Variants in KMT2D observed in about 807,000 individuals in gnomAD.
KMT2D encodes lysine methyltransferase 2D, also known as histone-lysine N-methyltransferase 2D.
Under a neutral mutation model 512.7 loss-of-function variants are expected in KMT2D, and 55 were observed. The ratio of observed to expected loss-of-function variants is 0.11; its 90% CI spans 0.09 to 0.13. The LOEUF is 0.13. Among genes scored for constraint, KMT2D ranks in the 10% least tolerant of loss-of-function variants. The probability of loss-of-function intolerance (pLI) is 1.00; values close to 1 mark genes in which losing one functional copy is unlikely to be tolerated. For missense variants in KMT2D, 6,061 were observed against 7,127.9 expected (o/e 0.85, Z 5.39); for synonymous variants, 2,995 against 2,904.0 (o/e 1.03, Z -1.01).
rs1943284324 is a variant in KMT2D, at chr12:49,037,612, G to A, written c.9744C>T (p.Leu3248=). ...SSLVASELPL[L]IEDLLEHEKK... is the part of the protein sequence containing the mutation. The stretch of plus-strand genomic sequence containing the variant: ...TCTCATGCTCCAACAGGTCCTCAAT[G>A]AGCAGGGGTAACTCGCTGGCTACCA... The change falls in exon 35 of 55, where the codon CTC becomes CTT. Residue 3248 remains leucine, a synonymous_variant. Coordinates refer to ENST00000301067, the MANE Select transcript of KMT2D (RefSeq NM_003482.4). 1.9e-6 allele frequency: 3 copies of A among 1,560,460 alleles called. No individual in the cohort carries two copies. In the Admixed American group the frequency reaches 5.8e-5, roughly 30 times the overall value.
intron 35 of KMT2D, among the ~76,000 whole-genome samples, chr12:49,036,437 G>A (rs1296925694): frequency 3.4e-5 from 5 of 147,184 alleles, no homozygotes; most frequent in South Asian, 2.2e-4. Context: ...TCAGCCTCTC[G>A]AGTAGCTGGA....
Position 49,040,183 on chromosome 12 carries a change from G to T in KMT2D, c.7587C>A (p.Gly2529=). ...VRSPGTGAFV[G]TPSPMRFTFP... is the part of the protein sequence containing the mutation. The stretch of plus-strand genomic sequence containing the variant: ...AAGTGAAACGCATGGGAGAGGGGGT[G>T]CCCACAAATGCACCCGTCCCAGGGG... The change falls in exon 32 of 55, where the codon GGC becomes GGA. Residue 2529 remains glycine, a synonymous_variant. Transcript: ENST00000301067. 2 of 1,613,632 alleles carry T rather than the reference G, an allele frequency of 1.2e-6. No homozygotes were observed. The highest frequency in any genetic ancestry group is 1.7e-6 in the Non-Finnish European group (2 of 1,179,742).
chr12:49,040,080 T>C lies in KMT2D; in HGVS notation c.7690A>G (p.Ser2564Gly), dbSNP rs2120521908. ...PGLPPPHGIN[S>G]HFGPGPTLGK... ...AAGGTGGGGCCGGGCCCAAAATGGC[T>C]GTTGATCCCATGGGGTGGCGGGAGA... is the stretch of plus-strand genomic sequence containing the variant. Residue 2564 changes from serine to glycine, a missense_variant, in exon 32 of 55, where the codon AGC (serine) becomes GGC (glycine). Transcript: ENST00000301067. The C allele has an allele frequency of 6.2e-7, 1 of 1,613,968 alleles. No individual in the cohort carries two copies. Among genetic ancestry groups the C allele is most frequent in the Non-Finnish European group, 8.5e-7 (1 of 1,179,854 alleles).
intron 8 of KMT2D, 48 bp downstream of exon 8, chr12:49,053,159 G>A (rs776415531): frequency 2.5e-6 from 4 of 1,610,092 alleles, no homozygotes; most frequent in Non-Finnish European, 3.4e-6. Flanking sequence ...AGAGAATGCT[G>A]TAGCAGACAC....
rs1367164104 is a variant in KMT2D at position 49,042,673 on chromosome 12, G to A, written c.5783-28C>T. 6.2e-7 allele frequency: 1 copy of A among 1,610,718 alleles called. No homozygotes were observed. The highest frequency in any genetic ancestry group is 8.5e-7 in the Non-Finnish European group (1 of 1,177,752). On this transcript the variant is annotated intron_variant, in intron 27 of 54. Coordinates refer to ENST00000301067, the MANE Select transcript of KMT2D (RefSeq NM_003482.4). The surrounding 1 kb of genome is among the most constrained non-coding windows in gnomAD (Gnocchi z 4.4). ...ACAAGACGGACAGGATCAGAGAAAA[G>A]AGCAACTGGCCCATCCTGGAGGCAA... is the stretch of plus-strand genomic sequence containing the variant.
chr12:49,047,027 G>A (rs1400427452), intron 15 of KMT2D, among the ~76,000 whole-genome samples: 1 of 151,894 alleles, frequency 6.6e-6, no homozygotes, highest in East Asian at 1.9e-4. Context: ...TTTGTATTTA[G>A]TAGAGTCAGA....
chr12:49,044,950 C>T lies in KMT2D; in HGVS notation c.4757G>A (p.Arg1586His), dbSNP rs1170765431. ...KVKEPEPQYF[R>H]FEGVWLTETG... ...TTCTGTCAGCCACACACCTTCGAAG[C>T]GAAAGTACTGGGGCTCTGCATAAGA... The change falls in exon 20 of 55, where the codon CGC becomes CAC. Residue 1586 changes from arginine to histidine, a missense_variant. Arg to His is a conservative substitution (Grantham distance 29). Around this residue, in one of 16 missense-constraint regions of KMT2D, gnomAD observed 640 missense variants for 814.3 expected, o/e 0.79. Coordinates refer to ENST00000301067, the MANE Select transcript of KMT2D (RefSeq NM_003482.4). This position sits in a 1 kb window ranked among gnomAD's most constrained non-coding sequence, Gnocchi z 6.4. The T allele has an allele frequency of 5.0e-6, 8 of 1,613,700 alleles. No homozygotes were observed. The highest frequency in any genetic ancestry group is 1.3e-5 in the African/African-American group (1 of 74,930).
chr12:49,026,149 C>G lies in KMT2D; in HGVS notation c.15784+33G>C, dbSNP rs780141636. Reference sequence around the variant, plus strand: ...GACCCTGGGAGAAACTTTTCCCATTCCATATTATCCATTTCAAGGGCCCAC... The same window carrying G: ...GACCCTGGGAGAAACTTTTCCCATTGCATATTATCCATTTCAAGGGCCCAC... On this transcript the variant is annotated intron_variant, in intron 49 of 54. Transcript: ENST00000301067. The surrounding 1 kb of genome is among the most constrained non-coding windows in gnomAD (Gnocchi z 9.6). 1.8e-5 allele frequency: 28 copies of G among 1,521,694 alleles called. No homozygotes were observed. The highest frequency in any genetic ancestry group is 2.5e-5 in the Non-Finnish European group (28 of 1,132,634). The allele number at this position is 1,521,694 out of a possible 1,614,324, so 94.3% of individuals were successfully genotyped here. A position where few individuals can be genotyped will look rare whatever the true frequency, so the allele number is the denominator to read the frequency against.
rs2137712228 is a variant in KMT2D at position 49,024,962 on chromosome 12, G to A, written c.15785-16C>T. ...TTCCACACGGCTAAGAAGCAGGGAA[G>A]AGAGCAGTCCTCAGAGGCAACTTCT... On this transcript the variant is annotated splice_polypyrimidine_tract_variant and intron_variant, in intron 49 of 54. Coordinates refer to ENST00000301067, the MANE Select transcript of KMT2D (RefSeq NM_003482.4). The surrounding 1 kb of genome is among the most constrained non-coding windows in gnomAD (Gnocchi z 4.5). 6.3e-7 allele frequency: 1 copy of A among 1,582,048 alleles called. No individual in the cohort carries two copies. The highest frequency in any genetic ancestry group is 2.3e-5 in the East Asian group (1 of 43,040).
Position 49,046,639 on chromosome 12 carries a change from G to A in KMT2D, c.4388C>T (p.Thr1463Ile), listed in dbSNP as rs2120610012. 6.2e-7 allele frequency: 1 copy of A among 1,613,378 alleles called. No homozygotes were observed. ...GCACTTCCAGCCGCCCTTGGGGACG[G>A]TGAGCAGTGGGGGGTCCAGGCAGTA... ...HTYCLDPPLL[T>I]VPKGGWKCKW... The change falls in exon 16 of 55, where the codon ACC (threonine) becomes ATC (isoleucine). Residue 1463 changes from threonine to isoleucine, a missense_variant. Physicochemically the swap from Thr to Ile is moderately conservative, Grantham distance 89 (BLOSUM62 -1). This residue lies in a region of KMT2D where 53 missense variants were observed against 148.3 expected (regional missense o/e 0.36). Coordinates refer to ENST00000301067, the MANE Select transcript of KMT2D (RefSeq NM_003482.4). The surrounding 1 kb of genome is among the most constrained non-coding windows in gnomAD (Gnocchi z 4.2).
At position 49,041,421 on chromosome 12, in the gene KMT2D, G is replaced by T; in HGVS notation, c.6349C>A (p.Pro2117Thr). The T allele has an allele frequency of 1.2e-6, 2 of 1,605,970 alleles. No individual in the cohort carries two copies. Among genetic ancestry groups the T allele is most frequent in the Non-Finnish European group, 1.7e-6 (2 of 1,173,422 alleles). The change falls in exon 32 of 55, where the codon CCC becomes ACC. Residue 2117 changes from proline to threonine, a missense_variant. Around this residue, in one of 16 missense-constraint regions of KMT2D, gnomAD observed 710 missense variants for 647.3 expected, o/e 1.10. Coordinates refer to ENST00000301067, the MANE Select transcript of KMT2D (RefSeq NM_003482.4). This position sits in a 1 kb window ranked among gnomAD's most constrained non-coding sequence, Gnocchi z 5.4. ...AAAATGGTGGGGGCAGCAGCGGGGG[G>T]CGGGCTGCCCAGTGCCCCTGGCTGC... ...PPQPGALGSP[P>T]PAAAPTIFIG...
chr12:49,042,400 GC>G lies in KMT2D; in HGVS notation c.5868-71del. The G allele has an allele frequency of 1.3e-6, 2 of 1,493,164 alleles. No homozygotes were observed. The highest frequency in any genetic ancestry group is 8.9e-7 in the Non-Finnish European group (1 of 1,118,016). The allele number at this position is 1,493,164 out of a possible 1,614,324, so 92.5% of individuals were successfully genotyped here. A position where few individuals can be genotyped will look rare whatever the true frequency, so the allele number is the denominator to read the frequency against. On this transcript the variant is annotated intron_variant, in intron 28 of 54. Transcript: ENST00000301067. The surrounding 1 kb of genome is among the most constrained non-coding windows in gnomAD (Gnocchi z 4.4). ...TCCCACCCCAGACAAACTGCCTAGA[GC>G]CCCAGGCCACTGCCCTGCCCCAAAA...
In KMT2D at chr12:49,029,057, A is replaced by G. The variant is rs1010763258; in HGVS notation, c.14251+4T>C. On this transcript the variant is annotated splice_donor_region_variant and intron_variant, in intron 45 of 54. Transcript: ENST00000301067. ...GCCTGGCCCACATCCAGAGTAGCAC[A>G]TACCTGGGATGCTGGCCCGAGGAAT... 6.2e-7 allele frequency: 1 copy of G among 1,601,892 alleles called. No homozygotes were observed. Among genetic ancestry groups the G allele is most frequent in the South Asian group, 1.1e-5 (1 of 89,924 alleles).
rs778135894 is a variant in KMT2D, at chr12:49,028,080, T to C, written c.14444A>G (p.Tyr4815Cys). The C allele has an allele frequency of 1.5e-5, 25 of 1,613,864 alleles. No individual in the cohort carries two copies. The South Asian group carries it at 2.0e-4, about 13-fold the overall frequency. ...GGGGCTCTCTGGGAACAGCACCTCA[T>C]AGGAGTTGGGGATCTTCATGCTCAG... is the stretch of plus-strand genomic sequence containing the variant. ...ELLSMKIPNSYEVLFPESPAR... is the reference protein window; with the variant it reads ...ELLSMKIPNSCEVLFPESPAR... Residue 4815 changes from tyrosine to cysteine, a missense_variant, in exon 47 of 55, where the codon TAT (tyrosine) becomes TGT (cysteine). By Grantham distance (194) the Tyr-to-Cys change is radical. Around this residue, in one of 16 missense-constraint regions of KMT2D, gnomAD observed 1,600 missense variants for 1,754.9 expected, o/e 0.91. Coordinates refer to ENST00000301067, the MANE Select transcript of KMT2D (RefSeq NM_003482.4).
Position 49,020,047 on chromosome 12 carries a change from C to T in KMT2D, c.*1733G>A, listed in dbSNP as rs776662669. Reference sequence around the variant, plus strand: ...TCATCTTCATCCCCACGGTTCCCTACCAGAGAGGGGTTTGGGGCCTCACCC... The same window carrying T: ...TCATCTTCATCCCCACGGTTCCCTATCAGAGAGGGGTTTGGGGCCTCACCC... On this transcript the variant is annotated 3_prime_UTR_variant, in exon 55 of 55. Transcript: ENST00000301067. The T allele has an allele frequency of 1.2e-4, 24 of 202,232 alleles. No homozygotes were observed. The highest frequency in any genetic ancestry group is 2.1e-4 in the Non-Finnish European group (21 of 97,882). The allele number at this position is 202,232 out of a possible 1,614,324, so 12.5% of individuals were successfully genotyped here.
Position 49,019,415 on chromosome 12 carries a change from TAAAAA to T in KMT2D, c.*2360_*2364del, listed in dbSNP as rs147052695. 1.0e-5 allele frequency: 2 copies of T among 195,624 alleles called. No individual in the cohort carries two copies. The highest frequency in any genetic ancestry group is 2.1e-5 in the Non-Finnish European group (2 of 95,724). 12.1% of individuals were successfully genotyped at this position (195,624 alleles called of 1,614,324 possible). On this transcript the variant is annotated 3_prime_UTR_variant, in exon 55 of 55. Transcript: ENST00000301067. ...GATGCAATTATACAGGCAGGGTACTTAAAAAAAAAACCAACCAAAATTCCAACCTT... is the reference window on the plus strand; with the variant it reads ...GATGCAATTATACAGGCAGGGTACTTAAAAACCAACCAAAATTCCAACCTT...
rs1432894084 is a variant in KMT2D at position 49,044,942 on chromosome 12, C to T, written c.4765G>A (p.Gly1589Ser). The change falls in exon 20 of 55, where the codon GGT becomes AGT. Residue 1589 changes from glycine to serine, a missense_variant. Physicochemically the swap from Gly to Ser is moderately conservative, Grantham distance 56. This residue lies in a region of KMT2D where 640 missense variants were observed against 814.3 expected (regional missense o/e 0.79). Transcript: ENST00000301067. This position sits in a 1 kb window ranked among gnomAD's most constrained non-coding sequence, Gnocchi z 6.4. ...EPEPQYFRFE[G>S]VWLTETGMAL... ...ATGCCAGTTTCTGTCAGCCACACAC[C>T]TTCGAAGCGAAAGTACTGGGGCTCT... 2 of 1,613,908 alleles carry T rather than the reference C, an allele frequency of 1.2e-6. No individual in the cohort carries two copies. The highest frequency in any genetic ancestry group is 3.3e-5 in the Admixed American group (2 of 60,024).
rs753677026 is a variant in KMT2D at position 49,037,690 on chromosome 12, C to A, written c.9666G>T (p.Leu3222Phe). The A allele has an allele frequency of 1.9e-6, 3 of 1,585,856 alleles. No homozygotes were observed. The South Asian group carries it at 3.5e-5, about 18-fold the overall frequency. The change falls in exon 35 of 55, where the codon TTG (leucine) becomes TTT (phenylalanine). Residue 3222 changes from leucine (L) to phenylalanine (F), a missense_variant. Transcript: ENST00000301067. ...CCCCAGATGCTGCAGGTCCACCAGG[C>A]AAGGTCAAAGCCCCACTCTCGAGCT... ...KFELESGALT[L>F]PGGPAASGDE...
chr12:49,028,933 C>A lies in KMT2D; in HGVS notation c.14277G>T (p.Gly4759=), dbSNP rs1029840725. 1.2e-5 allele frequency: 20 copies of A among 1,613,976 alleles called. No individual in the cohort carries two copies. Among genetic ancestry groups the A allele is most frequent in the Non-Finnish European group, 1.6e-5 (19 of 1,179,892 alleles). ...TTCCAGGGACCTCCAGGCCAAGGGC[C>A]CCATAAGGTTTGGTATCTGGGAAGA... ...IPVFPDTKPY[G]ALGLEVPGKL... is the part of the protein sequence containing the mutation. Residue 4759 remains glycine (G), a synonymous_variant, in exon 46 of 55, where the codon GGG becomes GGT. Transcript: ENST00000301067.
Sources: gnomAD v4.1 joint callset for allele counts (sites outside exome capture counted in the v4.1 genomes callset) on GRCh38, gnomAD v4.1.1 for gene constraint, gnomAD v4.1.1 regional missense constraint, Gnocchi (gnomAD v3.1) non-coding constraint, MANE v1.5 for transcripts, NCBI Gene and HGNC (gene_info 2026-07-23, HGNC 2026-07-21) for gene names.